Variants in ENOX1 observed in about 807,000 individuals in gnomAD.
ENOX1 encodes ecto-NOX disulfide-thiol exchanger 1.
In ENOX1, 42 loss-of-function variants were observed where a neutral mutation model predicts 82.5. The observed-to-expected ratio is 0.51, with a 90% CI of 0.40 to 0.66. ENOX1 has a LOEUF of 0.66. Ranked by LOEUF, ENOX1 falls within the 30% of genes least tolerant of loss-of-function variation. The probability of loss-of-function intolerance (pLI) is 0.00; values close to 1 mark genes in which losing one functional copy is unlikely to be tolerated. For missense variants in ENOX1, 608 were observed against 811.6 expected, an observed-to-expected ratio of 0.75 and a Z score of 3.05; for synonymous variants, 271 against 282.2, an observed-to-expected ratio of 0.96 and a Z score of 0.40.
intron 2 of ENOX1, among the ~76,000 whole-genome samples, chr13:43,529,199 C>A (rs1399766497): frequency 2.0e-5 from 3 of 151,984 alleles, no homozygotes; most frequent in African/African-American, 4.8e-5. Context: ...AAATCTTGCA[C>A]CGTTCCACCC....
chr13:43,592,532 T>C (rs1213900454), intron 2 of ENOX1, among the ~76,000 whole-genome samples: 1 of 152,232 alleles, frequency 6.6e-6, no homozygotes, highest in East Asian at 1.9e-4. Flanking sequence ...TCAGTATCTA[T>C]TAGAATGTGA....
intron 1 of ENOX1, among the ~76,000 whole-genome samples, chr13:43,701,184 C>T (rs548759402): frequency 2.0e-5 from 3 of 152,176 alleles, no homozygotes; most frequent in Admixed American, 1.3e-4. Flanking sequence ...TGTGCATGTA[C>T]ATAAAAACAC....
At chr13:43,624,938 T>C (rs1424239406) in intron 2 of ENOX1, among the ~76,000 whole-genome samples, 1 of 152,104 alleles carries the variant, frequency 6.6e-6, no homozygotes, top group African/African-American at 2.4e-5. Context: ...CTTGGGATTT[T>C]GATAGGAATT....
chr13:43,499,628 C>G (rs1401001469), intron 2 of ENOX1, among the ~76,000 whole-genome samples: 1 of 151,956 alleles, frequency 6.6e-6, no homozygotes, highest in Non-Finnish European at 1.5e-5. Flanking sequence ...CCTACCAAAA[C>G]CAGTCTATAA....
chr13:43,313,887 T>G (rs948655014), intron 11 of ENOX1, among the ~76,000 whole-genome samples: 1 of 152,292 alleles, frequency 6.6e-6, no homozygotes, highest in East Asian at 1.9e-4. Flanking sequence ...TTCTGAGAAC[T>G]GATAATTTAG....
chr13:43,387,773 T>C (rs1004866082), intron 5 of ENOX1, among the ~76,000 whole-genome samples: 1 of 152,066 alleles, frequency 6.6e-6, no homozygotes, highest in Non-Finnish European at 1.5e-5. Flanking sequence ...TATACATATG[T>C]AAATACATAT....
chr13:43,461,062 T>C (rs1305714634), intron 3 of ENOX1, among the ~76,000 whole-genome samples: 1 of 152,190 alleles, frequency 6.6e-6, no homozygotes, highest in Non-Finnish European at 1.5e-5. Flanking sequence ...TCTGGTTTCT[T>C]ACTAAAATCA....
intron 11 of ENOX1, among the ~76,000 whole-genome samples, chr13:43,318,117 G>A (rs1287775190): frequency 7.2e-5 from 11 of 152,274 alleles, no homozygotes; most frequent in Non-Finnish European, 1.5e-5. Context: ...AAGGAGCTCA[G>A]AGTTTAAATG....
At chr13:43,427,836 C>T (rs762673874) in intron 3 of ENOX1, among the ~76,000 whole-genome samples, 2 of 152,184 alleles carry the variant, frequency 1.3e-5, no homozygotes, top group Non-Finnish European at 2.9e-5. Context: ...GATAAGACCA[C>T]TTATTTATGT....
chr13:43,655,404 T>A (rs1011974945), intron 2 of ENOX1, among the ~76,000 whole-genome samples: 1 of 152,250 alleles, frequency 6.6e-6, no homozygotes, highest in South Asian at 2.1e-4. Context: ...AAGGCAGCAA[T>A]CCAGCCTTGA....
chr13:43,398,493 G>T (rs577522947), intron 5 of ENOX1, among the ~76,000 whole-genome samples: 1 of 152,146 alleles, frequency 6.6e-6, no homozygotes, highest in African/African-American at 2.4e-5. Flanking sequence ...AGAGGATGCT[G>T]AAACAGATGA....
At chr13:43,606,399 G>A (rs749885035) in intron 2 of ENOX1, among the ~76,000 whole-genome samples, 4 of 152,130 alleles carry the variant, frequency 2.6e-5, no homozygotes, top group Non-Finnish European at 5.9e-5. Context: ...CCATGGTTTG[G>A]AAGCCCTCAA....
At chr13:43,219,321 T>A (rs967948752) in intron 16 of ENOX1, among the ~76,000 whole-genome samples, 1 of 152,206 alleles carries the variant, frequency 6.6e-6, no homozygotes, top group Admixed American at 6.5e-5. Context: ...GGGAGCACTG[T>A]GTAGCACTGT....
At chr13:43,612,033 A>T (rs1361945926) in intron 2 of ENOX1, among the ~76,000 whole-genome samples, 1 of 152,212 alleles carries the variant, frequency 6.6e-6, no homozygotes, top group Non-Finnish European at 1.5e-5. Context: ...GTCAACAGGC[A>T]TCTTCACATA....
chr13:43,368,773 G>T (rs1177739913), intron 5 of ENOX1, among the ~76,000 whole-genome samples: 6 of 152,176 alleles, frequency 3.9e-5, no homozygotes, highest in Non-Finnish European at 7.3e-5. Context: ...CCTAACCAAA[G>T]ATTAGGAAAT....
At chr13:43,390,952 C>T (rs777318235) in intron 5 of ENOX1, among the ~76,000 whole-genome samples, 6 of 152,118 alleles carry the variant, frequency 3.9e-5, no homozygotes, top group African/African-American at 9.7e-5. Flanking sequence ...CTGGCTACTA[C>T]GAATCCCTTT....
At chr13:43,248,866 C>T (rs936931554) in intron 14 of ENOX1, among the ~76,000 whole-genome samples, 2 of 152,008 alleles carry the variant, frequency 1.3e-5, no homozygotes, top group Admixed American at 1.3e-4. Flanking sequence ...TTTGCATATA[C>T]ACATACATGT....
chr13:43,743,923 G>A (rs1362780594), intron 1 of ENOX1, among the ~76,000 whole-genome samples: 1 of 152,050 alleles, frequency 6.6e-6, no homozygotes, highest in African/African-American at 2.4e-5. Context: ...AGAGAGAGGG[G>A]AGCAAACTTG....
intron 11 of ENOX1, among the ~76,000 whole-genome samples, chr13:43,301,691 CA>C (rs1458077421): frequency 1.3e-5 from 2 of 151,448 alleles, no homozygotes; most frequent in Non-Finnish European, 2.9e-5. Context: ...TTGGTTTTTA[CA>C]AAAAAATTTT....
Sources: gnomAD v4.1 joint callset for allele counts (sites outside exome capture counted in the v4.1 genomes callset) on GRCh38, gnomAD v4.1.1 for gene constraint, MANE v1.5 for transcripts, NCBI Gene and HGNC (gene_info 2026-07-23, HGNC 2026-07-21) for gene names.